Variants in ANK3 observed in about 807,000 individuals in gnomAD.
ANK3 encodes ankyrin-3.
A neutral mutation model predicts 370.9 loss-of-function variants in ANK3; 57 were observed. The observed-to-expected ratio is 0.15, with a 90% CI of 0.12 to 0.19. The LOEUF (loss-of-function observed/expected upper bound fraction) is 0.19, where lower values mean the gene tolerates loss of function less well. Ranked by LOEUF, ANK3 falls within the 10% of genes least tolerant of loss-of-function variation. The pLI is 1.00. For missense variants in ANK3, 4,439 were observed against 5,302.1 expected (o/e 0.84, Z 5.06); for synonymous variants, 1,929 against 1,946.3 (o/e 0.99, Z 0.23).
At chr10:60,329,798 A>G (rs2050773742) in intron 1 of ANK3, among the ~76,000 whole-genome samples, 2 of 152,208 alleles carry the variant, frequency 1.3e-5, no homozygotes, top group South Asian at 2.1e-4. Context: ...TAAATTTCAT[A>G]TGGAATCAAA....
chr10:60,378,535 T>C (rs913406304), intron 1 of ANK3, among the ~76,000 whole-genome samples: 14 of 152,278 alleles, frequency 9.2e-5, no homozygotes, highest in African/African-American at 3.4e-4. Flanking sequence ...ATGCAAACTT[T>C]AATCCACATA....
intron 28 of ANK3, among the ~76,000 whole-genome samples, chr10:60,096,429 G>A (rs532421692): frequency 2.6e-5 from 4 of 152,156 alleles, no homozygotes; most frequent in South Asian, 2.1e-4. Context: ...AATAATCTGC[G>A]GCACAAATGC....
At chr10:60,477,871 C>T (rs1414601919) in intron 2 of ANK3, among the ~76,000 whole-genome samples, 1 of 151,932 alleles carries the variant, frequency 6.6e-6, no homozygotes, top group East Asian at 1.9e-4. Context: ...AAAGAGGTTG[C>T]AAATGAACAG....
chr10:60,156,196 T>C (rs1221429731), intron 23 of ANK3, among the ~76,000 whole-genome samples: 2 of 152,144 alleles, frequency 1.3e-5, no homozygotes, highest in Non-Finnish European at 2.9e-5. Flanking sequence ...AGGGACTCTT[T>C]TCACTTGGAG....
At chr10:60,247,593 T>C (rs78843521) in intron 7 of ANK3, among the ~76,000 whole-genome samples, 1 of 152,126 alleles carries the variant, frequency 6.6e-6, no homozygotes, top group Non-Finnish European at 1.5e-5. Context: ...ATATTATAGA[T>C]ACCTGTGTTA....
In ANK3 at chr10:60,141,561, G is replaced by GTTTTTTTTTTTTTTTTTTT. The variant is rs36033791; in HGVS notation, c.2615-2493_2615-2475dup. ...CACTGGAGAGGCCATTTCAATTGCT[G>GTTTTTTTTTTTTTTTTTTT]TTTTTTTTTTTTTTTTTTTTTTTTT... On this transcript the variant is annotated intron_variant, in intron 23 of 43. Transcript: ENST00000280772. Among the ~76,000 whole-genome samples, 2 of 49,044 alleles carry GTTTTTTTTTTTTTTTTTTT rather than the reference G, an allele frequency of 4.1e-5. 1 individual carries two copies. The highest frequency in any genetic ancestry group is 1.9e-4 in the African/African-American group (2 of 10,746). 32.2% of individuals were successfully genotyped at this position (49,044 alleles called of 152,430 possible).
rs562398934 is a variant in ANK3 at position 60,500,609 on chromosome 10, C to T, written c.96+114577G>A. On this transcript the variant is annotated intron_variant, in intron 2 of 43. Coordinates refer to the ANK3 transcript ENST00000373827. ...TTGAGATAACAAAGCCACCCTAGAACAATGATTCTCCAAGTGTTTTAAGAG... is the reference window on the plus strand; with the variant it reads ...TTGAGATAACAAAGCCACCCTAGAATAATGATTCTCCAAGTGTTTTAAGAG... Among the ~76,000 whole-genome samples, 10 of 152,260 alleles carry T rather than the reference C, an allele frequency of 6.6e-5. No individual in the cohort carries two copies. The South Asian group carries it at 2.1e-3, about 32-fold the overall frequency.
intron 7 of ANK3, among the ~76,000 whole-genome samples, chr10:60,241,125 T>A (rs2097450083): frequency 6.6e-6 from 1 of 152,162 alleles, no homozygotes; most frequent in South Asian, 2.1e-4. Context: ...ACTTCCCTAA[T>A]ATGTAAACTT....
intron 2 of ANK3, among the ~76,000 whole-genome samples, chr10:60,430,221 T>A (rs1344569305): frequency 6.6e-6 from 1 of 152,234 alleles, no homozygotes; most frequent in Non-Finnish European, 1.5e-5. Context: ...GCCTGAAGGC[T>A]GAATGCCAAG....
intron 29 of ANK3, among the ~76,000 whole-genome samples, chr10:60,087,600 T>C (rs2087038429): frequency 6.6e-6 from 1 of 152,232 alleles, no homozygotes. Flanking sequence ...AATTACAATA[T>C]TAATAACATC....
Position 60,075,204 on chromosome 10 carries a change from A to G in ANK3, c.5677T>C (p.Ser1893Pro), listed in dbSNP as rs1459725903. Residue 1893 changes from serine (S) to proline (P), a missense_variant, in exon 37 of 44, where the codon TCT becomes CCT. Physicochemically the swap from Ser to Pro is moderately conservative, Grantham distance 74. Transcript: ENST00000280772. ...APSALKLSTP[S>P]SLSSSQEILK... ...ATCTCCTGACTGGAAGATAAAGAAG[A>G]TGGTGTAGACAACTTAAGGGCAGAG... 1.2e-6 allele frequency: 2 copies of G among 1,614,194 alleles called. No homozygotes were observed. Among genetic ancestry groups the G allele is most frequent in the Admixed American group, 3.3e-5 (2 of 60,014 alleles).
chr10:60,664,090 G>A (rs2078968449), intron 1 of ANK3, among the ~76,000 whole-genome samples: 1 of 152,192 alleles, frequency 6.6e-6, no homozygotes, highest in South Asian at 2.1e-4. Flanking sequence ...TTCCCACCGC[G>A]CTGTCAGGGC....
intron 2 of ANK3, among the ~76,000 whole-genome samples, chr10:60,472,187 C>T (rs2065235916): frequency 6.6e-6 from 1 of 152,122 alleles, no homozygotes; most frequent in Admixed American, 6.6e-5. Context: ...TGCAAGCAGA[C>T]ATACATACGT....
rs534905040 is a variant in ANK3 at position 60,211,489 on chromosome 10, T to A, written c.996+1923A>T. Among the ~76,000 whole-genome samples, 3 of 152,268 alleles carry A rather than the reference T, an allele frequency of 2.0e-5. No homozygotes were observed. In the East Asian group the frequency reaches 5.8e-4, roughly 29 times the overall value. ...ACCTCTTTGGGTTTCAGTTTCCTCA[T>A]CTATGAAAAGGGAATAACAGTAATA... On this transcript the variant is annotated intron_variant, in intron 9 of 43. Coordinates refer to ENST00000280772, the MANE Select transcript of ANK3 (RefSeq NM_020987.5).
intron 38 of ANK3, among the ~76,000 whole-genome samples, chr10:60,067,435 CAT>C (rs998682061): frequency 3.7e-4 from 57 of 152,176 alleles, no homozygotes; most frequent in African/African-American, 1.3e-3. Context: ...GATAAATAAA[CAT>C]AGAGTTTTAT....
At chr10:60,727,574 G>A (rs10994485) in intron 1 of ANK3, among the ~76,000 whole-genome samples, 20,849 of 152,076 alleles carry the variant, frequency 0.14, 1,776 homozygotes, top group South Asian at 0.24. Flanking sequence ...CTCAATAAAG[G>A]TGATAATTAG....
rs1395242519 is a variant in ANK3, at chr10:60,069,768, A to C, written c.11113T>G (p.Ser3705Ala). The change falls in exon 37 of 44, where the codon TCA becomes GCA. Residue 3705 changes from serine to alanine, a missense_variant. By Grantham distance (99) the Ser-to-Ala change is moderately conservative (BLOSUM62 1). Around this residue, in one of 13 missense-constraint regions of ANK3, gnomAD observed 496 missense variants for 529.3 expected, o/e 0.94. Coordinates refer to ENST00000280772, the MANE Select transcript of ANK3 (RefSeq NM_020987.5). ...TTAGAGGTGTTAGTGGCTGCTGCTG[A>C]TTTCTCCAGGGAGCCACTACTGGAT... ...GTSSSGSLEK[S>A]AAATNTSKVD... The C allele has an allele frequency of 3.1e-6, 5 of 1,613,528 alleles. No homozygotes were observed. In the African/African-American group the frequency reaches 6.7e-5, roughly 22 times the overall value.
chr10:60,081,940 T>G, intron 35 of ANK3: 1 of 409,784 alleles, frequency 2.4e-6, no homozygotes. Flanking sequence ...ATCAGCTGAA[T>G]TATAATTTCG....
chr10:60,093,325 G>A (rs1377355500), intron 28 of ANK3, among the ~76,000 whole-genome samples: 1 of 152,170 alleles, frequency 6.6e-6, no homozygotes, highest in African/African-American at 2.4e-5. Flanking sequence ...CCACAAAGAT[G>A]TCATGTTCTC....
Sources: allele counts gnomAD v4.1 joint callset (sites outside exome capture counted in the v4.1 genomes callset), GRCh38; gene constraint gnomAD v4.1.1; regional missense constraint gnomAD v4.1.1; transcripts MANE v1.5; gene names NCBI Gene and HGNC (gene_info 2026-07-23, HGNC 2026-07-21).